CLCA1: variants seen among roughly 807,000 people sequenced by gnomAD.
CLCA1 encodes the protein calcium-activated chloride channel regulator 1.
A neutral mutation model predicts 85.6 loss-of-function variants in CLCA1; 59 were observed. The observed-to-expected ratio is 0.69, with a 90% CI of 0.56 to 0.86. The LOEUF is 0.86. Ranked by LOEUF, CLCA1 falls within the 40% of genes least tolerant of loss-of-function variation. The pLI is 0.00. For synonymous variants in CLCA1, 396 were observed against 398.3 expected, an observed-to-expected ratio of 0.99 and a Z score of 0.07; for missense variants, 1,022 against 1,101.4, an observed-to-expected ratio of 0.93 and a Z score of 1.02.
chr1:86,496,648 G>T (rs2791491), intron 12 of CLCA1, among the ~76,000 whole-genome samples: 61,769 of 152,000 alleles, frequency 0.41, 13,272 homozygotes, highest in Non-Finnish European at 0.48. Context: ...TCTTTACTTG[G>T]GTGTGTGCTT....
chr1:86,476,100 A>G (rs1157850444), intron 3 of CLCA1, among the ~76,000 whole-genome samples: 1 of 152,152 alleles, frequency 6.6e-6, no homozygotes, highest in Non-Finnish European at 1.5e-5. Context: ...CTGGGCTCCC[A>G]TAGCCGCCTT....
chr1:86,497,768 C>A (rs1648330985), intron 12 of CLCA1, among the ~76,000 whole-genome samples: 1 of 152,036 alleles, frequency 6.6e-6, no homozygotes, highest in Non-Finnish European at 1.5e-5. Flanking sequence ...TGATTAGTTG[C>A]CAAATAAATA....
At chr1:86,477,873 G>A (rs1316960303) in intron 4 of CLCA1, among the ~76,000 whole-genome samples, 2 of 152,158 alleles carry the variant, frequency 1.3e-5, no homozygotes, top group African/African-American at 4.8e-5. Flanking sequence ...AGTAGAAGTT[G>A]GTACAACACC....
chr1:86,491,814 T>C (rs1040314), intron 9 of CLCA1, among the ~76,000 whole-genome samples: 1 of 152,178 alleles, frequency 6.6e-6, no homozygotes, highest in East Asian at 1.9e-4. Context: ...GGACAGAAAG[T>C]GCTTTGTACT....
chr1:86,488,413 AC>A (rs1301137442), intron 7 of CLCA1, among the ~76,000 whole-genome samples: 1 of 152,230 alleles, frequency 6.6e-6, no homozygotes, highest in African/African-American at 2.4e-5. Flanking sequence ...AGTAGTTGAG[AC>A]ATAGGTGTCA....
intron 9 of CLCA1, among the ~76,000 whole-genome samples, chr1:86,491,659 C>G (rs1648138268): frequency 6.6e-6 from 1 of 152,170 alleles, no homozygotes; most frequent in African/African-American, 2.4e-5. Flanking sequence ...TCTGAACAAG[C>G]AACTAGAGCA....
At chr1:86,469,937 G>A (rs955197020) in intron 1 of CLCA1, among the ~76,000 whole-genome samples, 1 of 152,172 alleles carries the variant, frequency 6.6e-6, no homozygotes, top group Non-Finnish European at 1.5e-5. Flanking sequence ...TGCATATAAA[G>A]GGAAGCTGGG....
chr1:86,494,595 A>G, intron 11 of CLCA1, 147 bp downstream of exon 11: 2 of 792,678 alleles, frequency 2.5e-6, no homozygotes, highest in East Asian at 2.7e-5. Context: ...CCATTTCCCC[A>G]CAATTCCTAC....
At chr1:86,496,979 C>T (rs5744418) in intron 12 of CLCA1, among the ~76,000 whole-genome samples, 3,896 of 152,330 alleles carry the variant, frequency 0.026, 72 homozygotes, top group Middle Eastern at 0.061. Context: ...CTGCCCGCCT[C>T]GGCCTCCCAA....
At chr1:86,483,896 T>A (rs1201700604) in intron 5 of CLCA1, among the ~76,000 whole-genome samples, 2 of 152,164 alleles carry the variant, frequency 1.3e-5, no homozygotes, top group Non-Finnish European at 2.9e-5. Flanking sequence ...TTTCATTGAC[T>A]CACAGTTCCA....
At chr1:86,495,730 G>C (rs1399336690) in intron 12 of CLCA1, 55 bp downstream of exon 12, 1 of 1,507,810 alleles carries the variant, frequency 6.6e-7, no homozygotes, top group Non-Finnish European at 9.0e-7. Context: ...GTTTCAAGAG[G>C]AAACTATTAA....
Position 86,489,174 on chromosome 1 carries a change from A to G in CLCA1, c.1357+4A>G, listed in dbSNP as rs1386326198. 6.2e-7 allele frequency: 1 copy of G among 1,613,064 alleles called. No homozygotes were observed. The highest frequency in any genetic ancestry group is 8.5e-7 in the Non-Finnish European group (1 of 1,179,516). On this transcript the variant is annotated splice_donor_region_variant and intron_variant, in intron 8 of 13. Coordinates refer to ENST00000394711, the MANE Select transcript of CLCA1 (RefSeq NM_001285.4). ...GAGGAGCTGTCCAAAATGACAGGTG[A>G]GGGATGATTTGCTGAGACCCCCGGT...
chr1:86,471,148 C>T (rs978679416), intron 1 of CLCA1, among the ~76,000 whole-genome samples: 3 of 151,766 alleles, frequency 2.0e-5, no homozygotes, highest in Non-Finnish European at 4.4e-5. Context: ...CGCACACACG[C>T]ACGTCAGAAG....
Position 86,491,305 on chromosome 1 carries a change from T to A in CLCA1, c.1398T>A (p.Asn466Lys). ...QTYASDQVQN[N>K]GLIDAFGALS... ...ATGCTTCAGATCAAGTTCAGAACAA[T>A]GGCCTCATTGATGCTTTTGGGGCCC... is the stretch of plus-strand genomic sequence containing the variant. Residue 466 changes from asparagine to lysine, a missense_variant, in exon 9 of 14, where the codon AAT becomes AAA. Transcript: ENST00000394711. 1 of 1,613,730 alleles carries A rather than the reference T, an allele frequency of 6.2e-7. No individual in the cohort carries two copies. The highest frequency in any genetic ancestry group is 8.5e-7 in the Non-Finnish European group (1 of 1,179,690).
At chr1:86,475,839 A>C (rs1197096359) in intron 3 of CLCA1, among the ~76,000 whole-genome samples, 10 of 152,216 alleles carry the variant, frequency 6.6e-5, no homozygotes, top group Admixed American at 6.5e-4. Context: ...GGCTGCAGAG[A>C]AGAGCAGGCC....
intron 5 of CLCA1, among the ~76,000 whole-genome samples, chr1:86,484,553 T>G (rs1647909065): frequency 6.6e-6 from 1 of 151,546 alleles, no homozygotes; most frequent in Non-Finnish European, 1.5e-5. Context: ...AGCAGAGGAG[T>G]AAGAGGAAAG....
At chr1:86,479,800 G>A (rs932028454) in intron 4 of CLCA1, among the ~76,000 whole-genome samples, 11 of 152,120 alleles carry the variant, frequency 7.2e-5, no homozygotes, top group African/African-American at 2.7e-4. Context: ...CAGGAGAATG[G>A]CATGAACCCG....
At chr1:86,498,047 G>A (rs895520521) in intron 12 of CLCA1, among the ~76,000 whole-genome samples, 3 of 152,096 alleles carry the variant, frequency 2.0e-5, no homozygotes, top group Non-Finnish European at 4.4e-5. Flanking sequence ...GGAGGCTGAG[G>A]CAGGAGAATC....
chr1:86,473,690 G>A (rs781664692), intron 2 of CLCA1, 39 bp from the exon 3 acceptor site: 2 of 1,543,438 alleles, frequency 1.3e-6, no homozygotes, highest in South Asian at 2.4e-5. Context: ...TTCATTTGCT[G>A]AAACTTTGTG....
Sources: allele counts gnomAD v4.1 joint callset (sites outside exome capture counted in the v4.1 genomes callset), GRCh38; gene constraint gnomAD v4.1.1; transcripts MANE v1.5; gene names NCBI Gene and HGNC (gene_info 2026-07-23, HGNC 2026-07-21).